The following PDE11A variants were observed in gnomAD, a reference collection of about 807,000 sequenced individuals.
PDE11A encodes the protein phosphodiesterase 11A.
PDE11A carries 100 observed loss-of-function variants against 100.5 expected under a neutral mutation model. That is an observed-to-expected ratio of 1.00 (90% CI 0.85 to 1.18). PDE11A has a LOEUF of 1.18. Ranked by LOEUF, PDE11A falls within the 50% of genes most tolerant of loss-of-function variation. The pLI is 0.00. For synonymous variants in PDE11A, 381 were observed against 420.8 expected (o/e 0.91, Z 1.16); for missense variants, 1,141 against 1,152.6 (o/e 0.99, Z 0.15).
At chr2:177,654,313 G>A (rs10167783) in intron 19 of PDE11A, among the ~76,000 whole-genome samples, 98,762 of 152,078 alleles carry the variant, frequency 0.65, 34,314 homozygotes, top group Admixed American at 0.75. Flanking sequence ...TTAGCTCAGG[G>A]GTTGGAGACC....
chr2:178,049,732 C>T (rs993540733), intron 1 of PDE11A, among the ~76,000 whole-genome samples: 1 of 152,188 alleles, frequency 6.6e-6, no homozygotes, highest in African/African-American at 2.4e-5. Flanking sequence ...GGGTCCCACA[C>T]CCACGGAGTC....
At chr2:177,826,494 C>G (rs2083228205) in intron 6 of PDE11A, among the ~76,000 whole-genome samples, 1 of 152,184 alleles carries the variant, frequency 6.6e-6, no homozygotes, top group African/African-American at 2.4e-5. Flanking sequence ...CCCAGTCAGT[C>G]CCTTGATTTC....
In PDE11A at chr2:178,072,287, G is replaced by T. The variant is rs1323343973; in HGVS notation, c.151C>A (p.Pro51Thr). The stretch of plus-strand genomic sequence containing the variant: ...CTGGTACCAGCCAAAGAGGGCCTTG[G>T]ACCTAAAGCCCCCTGACCCTGACTG... Reference protein sequence around the residue: ...RHSQGQGALGPRPSLAGTSSL... With the variant: ...RHSQGQGALGTRPSLAGTSSL... The change falls in exon 1 of 20, where the codon CCA becomes ACA. Residue 51 changes from proline (P) to threonine (T), a missense_variant. By Grantham distance (38) the Pro-to-Thr change is conservative (BLOSUM62 -1). Transcript: ENST00000286063. 2 of 1,613,882 alleles carry T rather than the reference G, an allele frequency of 1.2e-6. No individual in the cohort carries two copies. Among genetic ancestry groups the T allele is most frequent in the South Asian group, 1.1e-5 (1 of 91,020 alleles).
intron 4 of PDE11A, among the ~76,000 whole-genome samples, chr2:177,882,615 T>C (rs932306479): frequency 2.6e-5 from 4 of 152,216 alleles, no homozygotes; most frequent in African/African-American, 9.6e-5. Context: ...AAGTGGTTTC[T>C]AAATCAATGA....
At chr2:177,972,737 G>C (rs1003291038) in intron 2 of PDE11A, among the ~76,000 whole-genome samples, 1 of 152,120 alleles carries the variant, frequency 6.6e-6, no homozygotes, top group African/African-American at 2.4e-5. Flanking sequence ...TGGGACAGAG[G>C]CTAAGAAGTT....
chr2:177,625,555 A>T lies in PDE11A; in HGVS notation c.*3852T>A, dbSNP rs895006749. ...GTAAGAATAAATATGTCTGAAAAAA[A>T]TACATCTCATCGAAAAAGTAGGATG... is the stretch of plus-strand genomic sequence containing the variant. On this transcript the variant is annotated 3_prime_UTR_variant, in exon 20 of 20. Coordinates refer to ENST00000286063, the MANE Select transcript of PDE11A (RefSeq NM_016953.4). 2 of 152,274 alleles carry T rather than the reference A, an allele frequency of 1.3e-5. No homozygotes were observed. Among genetic ancestry groups the T allele is most frequent in the African/African-American group, 4.8e-5 (2 of 41,466 alleles). 9.4% of individuals were successfully genotyped at this position (152,274 alleles called of 1,614,324 possible).
At chr2:178,052,657 T>C (rs1351757559) in intron 1 of PDE11A, among the ~76,000 whole-genome samples, 1 of 151,394 alleles carries the variant, frequency 6.6e-6, no homozygotes, top group Non-Finnish European at 1.5e-5. Flanking sequence ...ATCAAATAGA[T>C]GCAATAAAAA....
chr2:177,867,101 G>A (rs116483542), intron 5 of PDE11A, among the ~76,000 whole-genome samples: 1 of 152,172 alleles, frequency 6.6e-6, no homozygotes, highest in Non-Finnish European at 1.5e-5. Context: ...ACTTGTGTGT[G>A]TATTTATATA....
chr2:177,743,364 C>T (rs910500275), intron 10 of PDE11A, among the ~76,000 whole-genome samples: 5 of 152,134 alleles, frequency 3.3e-5, no homozygotes, highest in African/African-American at 4.8e-5. Flanking sequence ...ATAAAGAGGG[C>T]ATGAAACTTG....
intron 9 of PDE11A, among the ~76,000 whole-genome samples, chr2:177,814,480 G>T (rs551948311): frequency 2.0e-5 from 3 of 152,050 alleles, no homozygotes; most frequent in Admixed American, 1.3e-4. Flanking sequence ...CAAGAATTTC[G>T]TACTCAGTGG....
chr2:178,010,008 A>G (rs1025513035), intron 2 of PDE11A, among the ~76,000 whole-genome samples: 9 of 152,238 alleles, frequency 5.9e-5, no homozygotes, highest in African/African-American at 2.2e-4. Context: ...ACAGGGTTCA[A>G]ATTACTTTAG....
At chr2:177,790,946 A>G (rs190129484) in intron 9 of PDE11A, among the ~76,000 whole-genome samples, 3,414 of 152,338 alleles carry the variant, frequency 0.022, 61 homozygotes, top group South Asian at 0.048. Context: ...GAGAGACTGT[A>G]AACTAGTTCA....
chr2:177,978,641 G>C (rs2085835982), intron 2 of PDE11A, among the ~76,000 whole-genome samples: 1 of 1,970 alleles, frequency 5.1e-4, no homozygotes, highest in Middle Eastern at 0.062. Flanking sequence ...GTTTATTGCA[G>C]CACTATTCAC....
chr2:177,853,680 A>ATATGTGTGTGTGTGTG (rs2083766252), intron 5 of PDE11A, among the ~76,000 whole-genome samples: 3 of 36,530 alleles, frequency 8.2e-5, no homozygotes, highest in Non-Finnish European at 1.0e-4. Context: ...ATATATATAT[A>ATATGTGTGTGTGTGTG]TGTGTGTGTG....
intron 2 of PDE11A, among the ~76,000 whole-genome samples, chr2:177,971,106 A>G (rs2085763902): frequency 6.6e-6 from 1 of 152,248 alleles, no homozygotes; most frequent in African/African-American, 2.4e-5. Flanking sequence ...AAGCTGCATA[A>G]CAAGAAAACC....
chr2:178,029,278 A>G (rs1280835251), intron 1 of PDE11A, among the ~76,000 whole-genome samples: 4 of 152,200 alleles, frequency 2.6e-5, no homozygotes. Context: ...AATAACTGAT[A>G]TCACACAGAA....
intron 3 of PDE11A, 32 bp from the exon 4 acceptor site, chr2:177,898,230 G>T (rs765716260): frequency 1.3e-6 from 2 of 1,517,624 alleles, no homozygotes; most frequent in South Asian, 1.2e-5. Flanking sequence ...TATATAAGTG[G>T]ATGTAAAACT....
intron 6 of PDE11A, among the ~76,000 whole-genome samples, chr2:177,821,715 G>A (rs1379878294): frequency 6.6e-6 from 1 of 151,774 alleles, no homozygotes; most frequent in African/African-American, 2.4e-5. Flanking sequence ...GATTATCTCT[G>A]ATGACTAGGG....
At chr2:178,063,424 AC>A (rs1195476880) in intron 1 of PDE11A, among the ~76,000 whole-genome samples, 1 of 152,170 alleles carries the variant, frequency 6.6e-6, no homozygotes, top group Non-Finnish European at 1.5e-5. Context: ...ATACTCACAG[AC>A]CCTAGAAACG....
Sources: allele counts gnomAD v4.1 joint callset (sites outside exome capture counted in the v4.1 genomes callset), GRCh38; gene constraint gnomAD v4.1.1; transcripts MANE v1.5; gene names NCBI Gene and HGNC (gene_info 2026-07-23, HGNC 2026-07-21).